Variants in CDCP1 observed in about 807,000 individuals in gnomAD.
CDCP1 encodes CUB domain containing protein 1.
In CDCP1, 29 loss-of-function variants were observed where a neutral mutation model predicts 60.2. That is an observed-to-expected ratio of 0.48 (90% CI 0.36 to 0.66). The LOEUF (loss-of-function observed/expected upper bound fraction) is 0.66, where lower values mean the gene tolerates loss of function less well. Among genes scored for constraint, CDCP1 ranks in the 30% least tolerant of loss-of-function variants. CDCP1 has a pLI of 0.00. For synonymous variants in CDCP1, 387 were observed against 431.1 expected (o/e 0.90, Z 1.27); for missense variants, 876 against 1,074.3 (o/e 0.82, Z 2.58).
Position 45,118,465 on chromosome 3 carries a change from AAGGT to A in CDCP1, c.235_238del (p.Thr79LeufsTer12). ...GTGATTCTCAGGACTCTGGCAGCTA[AAGGT>A]AAAGACTATTCTTTCTCCAGACTTG... On this transcript the variant is annotated frameshift_variant, in exon 2 of 9. Coordinates refer to ENST00000296129, the MANE Select transcript of CDCP1 (RefSeq NM_022842.5). LOFTEE classifies it high-confidence loss of function. 6.2e-7 allele frequency: 1 copy of A among 1,614,180 alleles called. No homozygotes were observed. The highest frequency in any genetic ancestry group is 8.5e-7 in the Non-Finnish European group (1 of 1,180,008).
In CDCP1 at chr3:45,085,869, G is replaced by A. The variant is rs752814255; in HGVS notation, c.2280C>T (p.Asp760=). The change falls in exon 9 of 9, where the codon GAC becomes GAT. Residue 760 remains aspartate, a synonymous_variant. Coordinates refer to ENST00000296129, the MANE Select transcript of CDCP1 (RefSeq NM_022842.5). The surrounding 1 kb of genome is among the most constrained non-coding windows in gnomAD (Gnocchi z 4.2). ...TGGTGCCCTGGAACGGCCGGTAGGTGTCCACCTCTGGCTGCAGGAAGGAGC... is the reference window on the plus strand; with the variant it reads ...TGGTGCCCTGGAACGGCCGGTAGGTATCCACCTCTGGCTGCAGGAAGGAGC... The part of the protein sequence containing the change: ...SSGSFLQPEV[D]TYRPFQGTMG... 1 of 1,614,196 alleles carries A rather than the reference G, an allele frequency of 6.2e-7. No homozygotes were observed. Among genetic ancestry groups the A allele is most frequent in the South Asian group, 1.1e-5 (1 of 91,084 alleles).
intron 1 of CDCP1, among the ~76,000 whole-genome samples, chr3:45,133,326 G>T (rs950520014): frequency 2.0e-4 from 31 of 151,618 alleles, no homozygotes; most frequent in African/African-American, 7.0e-4. Flanking sequence ...CACCCGTGCT[G>T]TACATTTCTG....
At chr3:45,140,171 A>G (rs777011058) in intron 1 of CDCP1, among the ~76,000 whole-genome samples, 3 of 152,234 alleles carry the variant, frequency 2.0e-5, no homozygotes, top group African/African-American at 7.2e-5. Flanking sequence ...GTTTTGTGAC[A>G]TGGCAGATGC....
chr3:45,137,287 T>C (rs541242001), intron 1 of CDCP1, among the ~76,000 whole-genome samples: 16 of 152,310 alleles, frequency 1.1e-4, no homozygotes, highest in Admixed American at 3.9e-4. Context: ...ATTCTAATGA[T>C]GAGCATTTGG....
At chr3:45,117,085 G>A (rs1198891167) in intron 2 of CDCP1, among the ~76,000 whole-genome samples, 1 of 152,050 alleles carries the variant, frequency 6.6e-6, no homozygotes, top group Admixed American at 6.6e-5. Context: ...TTTTAAAATT[G>A]ATTTCTAATA....
intron 4 of CDCP1, among the ~76,000 whole-genome samples, chr3:45,108,167 G>A (rs1177826523): frequency 4.6e-5 from 7 of 151,984 alleles, no homozygotes; most frequent in Admixed American, 6.6e-5. Flanking sequence ...AAACAGGTAG[G>A]GGCACAGGAC....
At chr3:45,128,379 C>T (rs1699035826) in intron 1 of CDCP1, among the ~76,000 whole-genome samples, 1 of 152,236 alleles carries the variant, frequency 6.6e-6, no homozygotes, top group African/African-American at 2.4e-5. Context: ...CAGGTGCTGG[C>T]ATACAAAGAT....
At chr3:45,110,211 A>C in intron 4 of CDCP1, 1 of 1,341,588 alleles carries the variant, frequency 7.5e-7, no homozygotes, top group East Asian at 3.0e-5. Context: ...TGACCTTTCA[A>C]TGCCTTCGTT....
At chr3:45,114,065 A>G (rs1490564934) in intron 2 of CDCP1, among the ~76,000 whole-genome samples, 7 of 152,216 alleles carry the variant, frequency 4.6e-5, no homozygotes, top group Non-Finnish European at 1.0e-4. Flanking sequence ...TTTAAAAACT[A>G]CACATGCCTG....
chr3:45,099,115 T>A (rs1329140807), intron 4 of CDCP1, among the ~76,000 whole-genome samples: 1 of 151,584 alleles, frequency 6.6e-6, no homozygotes, highest in Non-Finnish European at 1.5e-5. Flanking sequence ...TGGATCCATC[T>A]TTTCTTTTCT....
chr3:45,087,668 G>C (rs557201600), intron 8 of CDCP1, among the ~76,000 whole-genome samples: 1 of 152,186 alleles, frequency 6.6e-6, no homozygotes, highest in African/African-American at 2.4e-5. Context: ...TTTGTAGACA[G>C]TCTTGTTGTA....
chr3:45,097,817 C>T (rs1453893640), intron 4 of CDCP1, among the ~76,000 whole-genome samples: 3 of 152,170 alleles, frequency 2.0e-5, no homozygotes, highest in Non-Finnish European at 4.4e-5. Flanking sequence ...TTCTTGCTGT[C>T]TATTTTCCAC....
At chr3:45,146,044 G>GACCCGGAGCC (rs1699380029) in intron 1 of CDCP1, among the ~76,000 whole-genome samples, 162 bp downstream of exon 1, 1 of 151,880 alleles carries the variant, frequency 6.6e-6, no homozygotes, top group South Asian at 2.1e-4. Context: ...CAGTCCGGGG[G>GACCCGGAGCC]TCCCGGAGCC....
At chr3:45,144,234 C>T (rs531380112) in intron 1 of CDCP1, among the ~76,000 whole-genome samples, 1 of 152,102 alleles carries the variant, frequency 6.6e-6, no homozygotes, top group South Asian at 2.1e-4. Context: ...CTGAGTCTTT[C>T]TTTGTTAAGA....
Position 45,093,380 on chromosome 3 carries a change from C to G in CDCP1, c.1524G>C (p.Gln508His). The G allele has an allele frequency of 6.2e-7, 1 of 1,614,216 alleles. No homozygotes were observed. Among genetic ancestry groups the G allele is most frequent in the East Asian group, 2.2e-5 (1 of 44,874 alleles). The change falls in exon 6 of 9, where the codon CAG becomes CAC. Residue 508 changes from glutamine to histidine, a missense_variant. Physicochemically the swap from Gln to His is conservative, Grantham distance 24 (BLOSUM62 0). Coordinates refer to ENST00000296129, the MANE Select transcript of CDCP1 (RefSeq NM_022842.5). Reference sequence around the variant, plus strand: ...GGGTCACCGAGATGTTCTGCTTCACCTGGATCTGCTTGATAGAGCCTCCCG... The same window carrying G: ...GGGTCACCGAGATGTTCTGCTTCACGTGGATCTGCTTGATAGAGCCTCCCG... Reference protein sequence around the residue: ...FCPGGSIKQIQVKQNISVTLR... With the variant: ...FCPGGSIKQIHVKQNISVTLR...
intron 7 of CDCP1, among the ~76,000 whole-genome samples, chr3:45,090,722 T>G (rs1026224420): frequency 1.3e-5 from 2 of 152,226 alleles, no homozygotes; most frequent in African/African-American, 2.4e-5. Flanking sequence ...AGACCTTATA[T>G]GCCTCCTCCA....
In CDCP1 at chr3:45,086,789, G is replaced by A. The variant is rs573127154; in HGVS notation, c.2082-722C>T. ...TACTTGGACCTGCATGGGCATTAGCGCTTGCTGCCACAGAAAACAAAGCTT... is the reference window on the plus strand; with the variant it reads ...TACTTGGACCTGCATGGGCATTAGCACTTGCTGCCACAGAAAACAAAGCTT... On this transcript the variant is annotated intron_variant, in intron 8 of 8. Transcript: ENST00000296129. Among the ~76,000 whole-genome samples the A allele has an allele frequency of 3.9e-5, 6 of 152,350 alleles. No homozygotes were observed. In the South Asian group the frequency reaches 8.3e-4, roughly 21 times the overall value.
rs550453026 is a variant in CDCP1, at chr3:45,090,135, C to T, written c.1994-994G>A. On this transcript the variant is annotated intron_variant, in intron 7 of 8. Coordinates refer to ENST00000296129, the MANE Select transcript of CDCP1 (RefSeq NM_022842.5). ...AGAGGTTTTCACTTGTGGCATTTGG[C>T]TCCCACCAGTTCTCTTGAGGCTAAC... Among the ~76,000 whole-genome samples the T allele has an allele frequency of 2.1e-3, 318 of 152,254 alleles. 1 individual carries two copies. The highest frequency in any genetic ancestry group is 3.4e-3 in the Middle Eastern group (1 of 294).
chr3:45,101,950 A>G (rs1446119516), intron 4 of CDCP1, among the ~76,000 whole-genome samples: 1 of 152,184 alleles, frequency 6.6e-6, no homozygotes, highest in Non-Finnish European at 1.5e-5. Context: ...CCGTTCATCA[A>G]ATATGTACAG....
Sources: gnomAD v4.1 joint callset for allele counts (sites outside exome capture counted in the v4.1 genomes callset) on GRCh38, gnomAD v4.1.1 for gene constraint, Gnocchi (gnomAD v3.1) non-coding constraint, MANE v1.5 for transcripts, NCBI Gene and HGNC (gene_info 2026-07-23, HGNC 2026-07-21) for gene names.